Variants in COL5A2 observed in about 807,000 individuals in gnomAD.
The protein encoded by COL5A2 is collagen alpha-2(V) chain.
A neutral mutation model predicts 208.2 loss-of-function variants in COL5A2; 23 were observed. The observed-to-expected ratio is 0.11, with a 90% CI of 0.08 to 0.16. The LOEUF (loss-of-function observed/expected upper bound fraction) is 0.16, where lower values mean the gene tolerates loss of function less well. COL5A2 is among the 10% of genes least tolerant of loss of function. The pLI is 1.00. For missense variants in COL5A2, 1,590 were observed against 1,956.4 expected, an observed-to-expected ratio of 0.81 and a Z score of 3.53; for synonymous variants, 625 against 628.5, an observed-to-expected ratio of 0.99 and a Z score of 0.08.
the COL5A2 span, among the ~76,000 whole-genome samples, chr2:189,362,215 A>G: frequency 6.6e-6 from 1 of 152,106 alleles, no homozygotes. Context: ...GCTACCAATC[A>G]TCTCCACTTA....
chr2:189,058,613 GA>G, intron 32 of COL5A2, 86 bp from the exon 33 acceptor site: 2 of 1,209,440 alleles, frequency 1.7e-6, no homozygotes, highest in South Asian at 1.3e-5. Context: ...TTCTACTGCG[GA>G]AAAATTCAGA....
chr2:189,303,613 A>G, the COL5A2 span, among the ~76,000 whole-genome samples: 2 of 152,210 alleles, frequency 1.3e-5, no homozygotes, highest in African/African-American at 4.8e-5. Flanking sequence ...ACTGTAACCT[A>G]GCTTAATAGT....
the COL5A2 span, among the ~76,000 whole-genome samples, chr2:189,312,263 G>A: frequency 6.6e-6 from 1 of 152,152 alleles, no homozygotes; most frequent in Non-Finnish European, 1.5e-5. Flanking sequence ...CCAGGTAGGA[G>A]GCCAGGTGGT....
intron 21 of COL5A2, among the ~76,000 whole-genome samples, chr2:189,067,078 A>T (rs962368294): frequency 6.6e-6 from 1 of 152,206 alleles, no homozygotes; most frequent in African/African-American, 2.4e-5. Context: ...TTGAGTTATT[A>T]TTCAAATTTG....
intron 1 of COL5A2, among the ~76,000 whole-genome samples, chr2:189,220,689 G>A (rs901054056): frequency 6.6e-6 from 1 of 151,956 alleles, no homozygotes; most frequent in Admixed American, 6.6e-5. Flanking sequence ...TGTCATCTTG[G>A]TTATAAATGA....
chr2:189,235,887 G>T, the COL5A2 span, among the ~76,000 whole-genome samples: 2 of 151,492 alleles, frequency 1.3e-5, no homozygotes, highest in Admixed American at 1.3e-4. Context: ...GTGTCTCATT[G>T]TGCCCAAATG....
At chr2:189,087,346 A>C (rs1184184549) in intron 8 of COL5A2, among the ~76,000 whole-genome samples, 1 of 152,182 alleles carries the variant, frequency 6.6e-6, no homozygotes, top group East Asian at 1.9e-4. Flanking sequence ...CGTTCCACTG[A>C]GGCATAACAA....
chr2:189,306,888 T>G, the COL5A2 span, among the ~76,000 whole-genome samples: 1 of 152,212 alleles, frequency 6.6e-6, no homozygotes, highest in Non-Finnish European at 1.5e-5. Flanking sequence ...GAATGAACAG[T>G]GCGTTAAACA....
At chr2:189,222,825 T>C (rs1380804756) in intron 1 of COL5A2, among the ~76,000 whole-genome samples, 1 of 152,148 alleles carries the variant, frequency 6.6e-6, no homozygotes, top group Non-Finnish European at 1.5e-5. Context: ...TATAACTCTG[T>C]TACAGGCTGA....
the COL5A2 span, among the ~76,000 whole-genome samples, chr2:189,440,886 G>A: frequency 6.6e-6 from 1 of 152,316 alleles, no homozygotes; most frequent in Admixed American, 6.5e-5. Context: ...GAATCCCGGA[G>A]TAGGAGCCAG....
chr2:189,245,804 A>G, the COL5A2 span, among the ~76,000 whole-genome samples: 1 of 152,220 alleles, frequency 6.6e-6, no homozygotes, highest in Non-Finnish European at 1.5e-5. Context: ...CCATTTAGCT[A>G]AGAAGATTGT....
At chr2:189,162,402 C>G (rs1488326920) in intron 1 of COL5A2, among the ~76,000 whole-genome samples, 1 of 152,154 alleles carries the variant, frequency 6.6e-6, no homozygotes, top group African/African-American at 2.4e-5. Context: ...TCATTTGAGA[C>G]CAGAGCATCA....
intron 6 of COL5A2, among the ~76,000 whole-genome samples, chr2:189,094,646 C>CACACACACACACACAT (rs1248564270): frequency 7.5e-6 from 1 of 132,544 alleles, no homozygotes; most frequent in Non-Finnish European, 1.7e-5. Context: ...CACACACACA[C>CACACACACACACACAT]ATAAATGTTA....
At chr2:189,096,541 G>C (rs375455558) in intron 6 of COL5A2, among the ~76,000 whole-genome samples, 11 of 147,634 alleles carry the variant, frequency 7.5e-5, no homozygotes, top group African/African-American at 2.8e-4. Flanking sequence ...AGAATGGCGT[G>C]AACCAGGGAG....
chr2:189,141,950 G>A (rs778889252), intron 1 of COL5A2, among the ~76,000 whole-genome samples: 1 of 152,090 alleles, frequency 6.6e-6, no homozygotes, highest in Admixed American at 6.6e-5. Flanking sequence ...TTTATGGATA[G>A]TAATTTTATA....
At chr2:189,394,189 C>T in the COL5A2 span, among the ~76,000 whole-genome samples, 1 of 151,560 alleles carries the variant, frequency 6.6e-6, no homozygotes, top group Non-Finnish European at 1.5e-5. Context: ...TGATTTTAAC[C>T]TAAAGTAGGT....
At chr2:189,184,893 T>C (rs1174931606) in intron 1 of COL5A2, among the ~76,000 whole-genome samples, 1 of 152,204 alleles carries the variant, frequency 6.6e-6, no homozygotes, top group Non-Finnish European at 1.5e-5. Flanking sequence ...ATGGCTAGCA[T>C]GATATAAGAT....
At chr2:189,322,292 T>C in the COL5A2 span, among the ~76,000 whole-genome samples, 318 of 151,962 alleles carry the variant, frequency 2.1e-3, no homozygotes, top group Non-Finnish European at 3.6e-3. Flanking sequence ...GCAAACACAT[T>C]CAAAAGCTAA....
upstream of COL5A2, among the ~76,000 whole-genome samples, chr2:189,226,486 C>A (rs931833726): frequency 2.0e-5 from 3 of 152,098 alleles, no homozygotes; most frequent in Non-Finnish European, 4.4e-5. Flanking sequence ...AGTCCTTCTG[C>A]CTGACAGAGC....
Sources: allele counts gnomAD v4.1 joint callset (sites outside exome capture counted in the v4.1 genomes callset), GRCh38; gene constraint gnomAD v4.1.1; transcripts MANE v1.5; gene names NCBI Gene and HGNC (gene_info 2026-07-23, HGNC 2026-07-21).